The following CCBE1 variants were observed in gnomAD, a reference collection of about 807,000 sequenced individuals.
The protein encoded by CCBE1 is collagen and calcium binding EGF domains 1, also known as collagen and calcium-binding EGF domain-containing protein 1.
Under a neutral mutation model 50.0 loss-of-function variants are expected in CCBE1, and 37 were observed. The ratio of observed to expected loss-of-function variants is 0.74; its 90% CI spans 0.57 to 0.97. CCBE1 has a LOEUF of 0.97. CCBE1 is among the 50% of genes least tolerant of loss of function. The pLI, the probability that CCBE1 is intolerant of heterozygous loss-of-function variation, is 0.00. For synonymous variants in CCBE1, 234 were observed against 203.7 expected (o/e 1.15, Z -1.27); for missense variants, 538 against 523.8 (o/e 1.03, Z -0.26).
At chr18:59,462,926 C>CA (rs1251856018) in intron 5 of CCBE1, among the ~76,000 whole-genome samples, 1 of 152,028 alleles carries the variant, frequency 6.6e-6, no homozygotes, top group Admixed American at 6.6e-5. Context: ...GAGAAGATAC[C>CA]AAAAAACAAT....
At chr18:59,627,863 C>G (rs2053806835) in intron 2 of CCBE1, among the ~76,000 whole-genome samples, 2 of 152,162 alleles carry the variant, frequency 1.3e-5, no homozygotes. Context: ...TTTGTTACAG[C>G]AAACCTAGGA....
intron 2 of CCBE1, among the ~76,000 whole-genome samples, chr18:59,607,890 CCTGA>C (rs773501836): frequency 6.6e-5 from 10 of 152,184 alleles, no homozygotes; most frequent in Middle Eastern, 3.2e-3. Flanking sequence ...TCAAGACCAG[CCTGA>C]CTAACATGGT....
At chr18:59,667,528 G>T (rs534441941) in intron 2 of CCBE1, among the ~76,000 whole-genome samples, 4 of 152,270 alleles carry the variant, frequency 2.6e-5, no homozygotes, top group Admixed American at 1.3e-4. Flanking sequence ...GTGCAGGAAG[G>T]CAATGAGATG....
At chr18:59,483,570 TCTC>T (rs1912676024) in intron 2 of CCBE1, among the ~76,000 whole-genome samples, 2 of 152,292 alleles carry the variant, frequency 1.3e-5, no homozygotes, top group East Asian at 1.9e-4. Context: ...ACTTAAGTAA[TCTC>T]CTCCTGAAAC....
chr18:59,522,330 CAT>C (rs1467699064), intron 2 of CCBE1, among the ~76,000 whole-genome samples: 1 of 152,026 alleles, frequency 6.6e-6, no homozygotes, highest in Non-Finnish European at 1.5e-5. Context: ...GGCTAATTGA[CAT>C]AAAGAAGAGG....
chr18:59,682,072 A>G (rs1027592721), intron 2 of CCBE1, among the ~76,000 whole-genome samples: 3 of 152,160 alleles, frequency 2.0e-5, no homozygotes, highest in African/African-American at 4.8e-5. Flanking sequence ...ATTAAAAACC[A>G]TGTCTCCCAG....
chr18:59,642,799 A>T (rs1192094313), intron 2 of CCBE1, among the ~76,000 whole-genome samples: 2 of 151,980 alleles, frequency 1.3e-5, no homozygotes, highest in African/African-American at 4.8e-5. Context: ...AATACAAAAA[A>T]TTAGCCAGGC....
chr18:59,521,992 C>T (rs1176086799), intron 2 of CCBE1, among the ~76,000 whole-genome samples: 1 of 152,128 alleles, frequency 6.6e-6, no homozygotes, highest in Non-Finnish European at 1.5e-5. Flanking sequence ...AAAATCCAGG[C>T]TGTATTCTTT....
chr18:59,455,859 T>C (rs1344273767), intron 5 of CCBE1, among the ~76,000 whole-genome samples: 1 of 152,224 alleles, frequency 6.6e-6, no homozygotes, highest in African/African-American at 2.4e-5. Context: ...GCATAAACTC[T>C]CTTCGCTTAG....
chr18:59,672,914 C>T (rs757438203), intron 2 of CCBE1, among the ~76,000 whole-genome samples: 1 of 151,912 alleles, frequency 6.6e-6, no homozygotes, highest in African/African-American at 2.4e-5. Flanking sequence ...GTATATTGCT[C>T]GGGTGATAGG....
At chr18:59,607,663 T>C (rs2053516617) in intron 2 of CCBE1, among the ~76,000 whole-genome samples, 1 of 152,234 alleles carries the variant, frequency 6.6e-6, no homozygotes, top group African/African-American at 2.4e-5. Flanking sequence ...TGAAAGCTAA[T>C]GTTGCACAAT....
intron 2 of CCBE1, among the ~76,000 whole-genome samples, chr18:59,659,117 G>T (rs1197073797): frequency 1.3e-5 from 2 of 152,144 alleles, no homozygotes; most frequent in African/African-American, 4.8e-5. Flanking sequence ...CACATTATGT[G>T]TAAGTTGCTG....
chr18:59,448,907 C>T (rs1419743593), intron 6 of CCBE1, among the ~76,000 whole-genome samples: 3 of 152,128 alleles, frequency 2.0e-5, no homozygotes, highest in Non-Finnish European at 4.4e-5. Context: ...GTGCTGACAT[C>T]ACTGTGTCAT....
At chr18:59,481,600 G>T (rs563859186) in intron 2 of CCBE1, among the ~76,000 whole-genome samples, 2 of 152,284 alleles carry the variant, frequency 1.3e-5, no homozygotes, top group East Asian at 3.9e-4. Context: ...TACAGGGAAA[G>T]GATGATTTTA....
At position 59,435,720 on chromosome 18, in the gene CCBE1, C is replaced by G; in HGVS notation, c.*188G>C. On this transcript the variant is annotated 3_prime_UTR_variant, in exon 11 of 11. Transcript: ENST00000439986. ...AAATCAATCATTCACTCCCTCATGT[C>G]TGCAGGCCTAGGAGGGGACTCTGAA... 1 of 664,728 alleles carries G rather than the reference C, an allele frequency of 1.5e-6. No homozygotes were observed. Among genetic ancestry groups the G allele is most frequent in the East Asian group, 2.6e-5 (1 of 38,864 alleles). 41.2% of individuals were successfully genotyped at this position (664,728 alleles called of 1,614,324 possible). A position where few individuals can be genotyped will look rare whatever the true frequency, so the allele number is the denominator to read the frequency against.
At position 59,442,102 on chromosome 18, in the gene CCBE1, T is replaced by C. The variant is rs1452398288; in HGVS notation, c.776-2286A>G. Among the ~76,000 whole-genome samples, 12 of 152,168 alleles carry C rather than the reference T, an allele frequency of 7.9e-5. No homozygotes were observed. The East Asian group carries it at 2.1e-3, about 27-fold the overall frequency. On this transcript the variant is annotated intron_variant, in intron 7 of 10. Transcript: ENST00000439986. ...AGCTCACACTATTCTTTCTGTCTTG[T>C]CTCCATCACCACAGATCACCTATCT...
chr18:59,439,020 C>T (rs1910288388), intron 9 of CCBE1, among the ~76,000 whole-genome samples: 2 of 152,074 alleles, frequency 1.3e-5, no homozygotes, highest in Middle Eastern at 3.2e-3. Flanking sequence ...GGTGTGGTGG[C>T]TCACGCCTGT....
intron 2 of CCBE1, among the ~76,000 whole-genome samples, chr18:59,498,271 C>T (rs1410219995): frequency 6.6e-6 from 1 of 151,928 alleles, no homozygotes; most frequent in Non-Finnish European, 1.5e-5. Flanking sequence ...ATAAATTATA[C>T]AATTTGATAA....
chr18:59,443,109 C>A (rs1910512285), intron 7 of CCBE1, among the ~76,000 whole-genome samples: 1 of 152,126 alleles, frequency 6.6e-6, no homozygotes, highest in Non-Finnish European at 1.5e-5. Flanking sequence ...TGCATGTGTG[C>A]CAGAATACGG....
Sources: allele counts gnomAD v4.1 joint callset (sites outside exome capture counted in the v4.1 genomes callset), GRCh38; gene constraint gnomAD v4.1.1; transcripts MANE v1.5; gene names NCBI Gene and HGNC (gene_info 2026-07-23, HGNC 2026-07-21).